Variants in ESRRG observed in about 807,000 individuals in gnomAD.
ESRRG encodes the protein estrogen related receptor gamma.
ESRRG carries 13 observed loss-of-function variants against 44.0 expected under a neutral mutation model. The ratio of observed to expected loss-of-function variants is 0.30; its 90% CI spans 0.19 to 0.47. The LOEUF is 0.47. Among genes scored for constraint, ESRRG ranks in the 20% least tolerant of loss-of-function variants. The probability of loss-of-function intolerance (pLI) is 1.00; values close to 1 mark genes in which losing one functional copy is unlikely to be tolerated. For synonymous variants in ESRRG, 215 were observed against 214.6 expected (o/e 1.00, Z -0.02); for missense variants, 395 against 580.6 (o/e 0.68, Z 3.29).
rs557139801 is a variant in ESRRG, at chr1:216,626,849, G to A, written c.589+24124C>T. Among the ~76,000 whole-genome samples the A allele has an allele frequency of 3.8e-3, 580 of 152,350 alleles. 3 individuals are homozygous for A. Among genetic ancestry groups the A allele is most frequent in the African/African-American group, 0.013 (555 of 41,572 alleles). On this transcript the variant is annotated intron_variant, in intron 3 of 6. Transcript: ENST00000408911. ...CTGACTCATTGTTCTAAAAATGAGA[G>A]AGTCAGGGCATAGATAGCCAAATAG... is the stretch of plus-strand genomic sequence containing the variant.
intron 1 of ESRRG, among the ~76,000 whole-genome samples, chr1:216,690,192 G>A (rs2078806417): frequency 1.3e-5 from 2 of 151,958 alleles, no homozygotes; most frequent in South Asian, 4.1e-4. Context: ...TTAGCCCTAA[G>A]CTGAAAACAA....
intron 2 of ESRRG, among the ~76,000 whole-genome samples, chr1:216,902,412 C>T (rs1046893445): frequency 3.3e-5 from 5 of 151,732 alleles, no homozygotes; most frequent in Non-Finnish European, 7.4e-5. Flanking sequence ...TCCCTTGAAC[C>T]CAGGAGGCAG....
At chr1:216,656,928 T>G (rs2151148957) in intron 2 of ESRRG, among the ~76,000 whole-genome samples, 1 of 152,280 alleles carries the variant, frequency 6.6e-6, no homozygotes, top group Non-Finnish European at 1.5e-5. Flanking sequence ...TTAAGTGATT[T>G]AAAAATAATG....
At chr1:216,958,730 T>C (rs1197788636) in intron 1 of ESRRG, among the ~76,000 whole-genome samples, 1 of 152,130 alleles carries the variant, frequency 6.6e-6, no homozygotes, top group Non-Finnish European at 1.5e-5. Flanking sequence ...CACAACACGA[T>C]CTGCCGCTCG....
chr1:216,548,973 C>A (rs577066529), intron 5 of ESRRG, among the ~76,000 whole-genome samples: 1 of 151,948 alleles, frequency 6.6e-6, no homozygotes, highest in Non-Finnish European at 1.5e-5. Flanking sequence ...AATAAGGGAC[C>A]TAGCAGGCCA....
At chr1:216,948,271 A>T (rs925599431) in intron 1 of ESRRG, among the ~76,000 whole-genome samples, 2 of 151,832 alleles carry the variant, frequency 1.3e-5, no homozygotes, top group African/African-American at 2.4e-5. Context: ...GAAATAGGGG[A>T]CCTGGCCAGG....
chr1:216,899,452 G>C (rs1013482182), intron 2 of ESRRG, among the ~76,000 whole-genome samples: 2 of 152,086 alleles, frequency 1.3e-5, no homozygotes, highest in Non-Finnish European at 2.9e-5. Context: ...AAAGGCATTG[G>C]GTCGTCTGCT....
intron 1 of ESRRG, among the ~76,000 whole-genome samples, chr1:217,021,411 G>C (rs1211333562): frequency 6.6e-6 from 1 of 152,158 alleles, no homozygotes; most frequent in East Asian, 1.9e-4. Flanking sequence ...CAAAGCCATG[G>C]ACTCTCGTTG....
At chr1:216,806,714 A>T (rs1031487456) in intron 2 of ESRRG, among the ~76,000 whole-genome samples, 15 of 152,166 alleles carry the variant, frequency 9.9e-5, no homozygotes, top group African/African-American at 3.6e-4. Flanking sequence ...TGTAAGAAAT[A>T]CTGAGCTTGA....
intron 1 of ESRRG, chr1:216,714,640 A>G (rs1575658151): frequency 3.0e-6 from 2 of 676,346 alleles, no homozygotes; most frequent in East Asian, 1.3e-4. Context: ...GTTCACTATA[A>G]GAAAATAAAG....
chr1:216,642,608 G>C (rs1282377305), intron 3 of ESRRG, among the ~76,000 whole-genome samples: 1 of 152,070 alleles, frequency 6.6e-6, no homozygotes, highest in African/African-American at 2.4e-5. Context: ...TTACAACAGA[G>C]AGTGCAAGAA....
At chr1:216,888,402 C>T (rs116361509) in intron 2 of ESRRG, among the ~76,000 whole-genome samples, 314 of 152,246 alleles carry the variant, frequency 2.1e-3, no homozygotes, top group African/African-American at 7.2e-3. Flanking sequence ...AGGAATAATT[C>T]GCTAAATTTC....
chr1:216,509,932 C>T (rs971524654), intron 6 of ESRRG, among the ~76,000 whole-genome samples: 1 of 152,156 alleles, frequency 6.6e-6, no homozygotes, highest in Admixed American at 6.5e-5. Flanking sequence ...GTTAAATTTA[C>T]ACGTTGACAC....
intron 1 of ESRRG, among the ~76,000 whole-genome samples, chr1:216,965,699 T>C (rs1445153903): frequency 2.0e-5 from 3 of 152,142 alleles, no homozygotes; most frequent in Admixed American, 1.3e-4. Flanking sequence ...TAAAGGGATA[T>C]GAATGTGCAG....
intron 1 of ESRRG, among the ~76,000 whole-genome samples, chr1:216,703,587 G>C (rs1267429116): frequency 6.7e-6 from 1 of 148,222 alleles, no homozygotes; most frequent in South Asian, 2.1e-4. Flanking sequence ...TTTTTTTTTT[G>C]CTTTTTTTTT....
chr1:217,115,527 T>C (rs1332109627), intron 1 of ESRRG, among the ~76,000 whole-genome samples: 2 of 152,098 alleles, frequency 1.3e-5, no homozygotes, highest in Admixed American at 6.5e-5. Flanking sequence ...TTCTCCAGCT[T>C]CACTCTCCTG....
intron 3 of ESRRG, among the ~76,000 whole-genome samples, chr1:216,570,759 A>G (rs943736107): frequency 6.6e-5 from 10 of 152,184 alleles, no homozygotes; most frequent in African/African-American, 2.2e-4. Flanking sequence ...AGCTAAAGAG[A>G]GAGGGAACAT....
upstream of ESRRG, among the ~76,000 whole-genome samples, chr1:216,723,727 C>G (rs2086897272): frequency 6.6e-6 from 1 of 150,638 alleles, no homozygotes; most frequent in Non-Finnish European, 1.5e-5. Flanking sequence ...CCTCCCTTCT[C>G]TCTCTTTCTT....
chr1:217,017,478 C>CAAAAAAAAA (rs55820027), intron 1 of ESRRG, among the ~76,000 whole-genome samples: 5 of 82,508 alleles, frequency 6.1e-5, no homozygotes, highest in African/African-American at 1.3e-4. Context: ...CTACATAACT[C>CAAAAAAAAA]AAAAAAAAAA....
Sources: gnomAD v4.1 joint callset for allele counts (sites outside exome capture counted in the v4.1 genomes callset) on GRCh38, gnomAD v4.1.1 for gene constraint, MANE v1.5 for transcripts, NCBI Gene and HGNC (gene_info 2026-07-23, HGNC 2026-07-21) for gene names.